EPHA5: variants seen among roughly 807,000 people sequenced by gnomAD.
The protein encoded by EPHA5 is EPH receptor A5.
EPHA5 carries 60 observed loss-of-function variants against 105.0 expected under a neutral mutation model. The observed-to-expected ratio is 0.57, with a 90% CI of 0.46 to 0.71. The LOEUF is 0.71. EPHA5 is among the 30% of genes least tolerant of loss of function. The pLI is 0.00. For missense variants in EPHA5, 1,218 were observed against 1,274.7 expected, an observed-to-expected ratio of 0.96 and a Z score of 0.68; for synonymous variants, 513 against 449.1, an observed-to-expected ratio of 1.14 and a Z score of -1.80.
chr4:65,631,290 A>G (rs1746610248), intron 2 of EPHA5, among the ~76,000 whole-genome samples: 1 of 152,204 alleles, frequency 6.6e-6, no homozygotes, highest in African/African-American at 2.4e-5. Context: ...AAAAACAATT[A>G]ATTGTTTTAG....
chr4:65,374,786 A>G lies in EPHA5; in HGVS notation c.1794-7362T>C, dbSNP rs1047815014. On this transcript the variant is annotated intron_variant, in intron 8 of 16. Coordinates refer to ENST00000613740, the MANE Select transcript of EPHA5 (RefSeq NM_001281766.3). The stretch of plus-strand genomic sequence containing the variant: ...AATGTCTACAAATTTCTGTTCTAAA[A>G]CTGTAAATGTGTCTCTTCACAAATG... 2.6e-5 allele frequency among the ~76,000 whole-genome samples: 4 copies of G among 151,880 alleles called. No homozygotes were observed. In the Admixed American group the frequency reaches 2.6e-4, roughly 10 times the overall value.
intron 8 of EPHA5, among the ~76,000 whole-genome samples, chr4:65,389,133 G>A (rs965502116): frequency 1.3e-5 from 2 of 151,972 alleles, no homozygotes; most frequent in Non-Finnish European, 2.9e-5. Flanking sequence ...CTCTAAATTG[G>A]TAATTCCTTA....
intron 3 of EPHA5, among the ~76,000 whole-genome samples, chr4:65,566,809 A>G (rs1001819489): frequency 2.6e-5 from 4 of 151,774 alleles, no homozygotes; most frequent in African/African-American, 7.2e-5. Context: ...TAACATCACT[A>G]AAGGTCATCC....
chr4:65,424,228 CAAT>C (rs1724207679), intron 5 of EPHA5, among the ~76,000 whole-genome samples: 1 of 151,920 alleles, frequency 6.6e-6, no homozygotes, highest in Non-Finnish European at 1.5e-5. Context: ...ACAATGATAT[CAAT>C]GATATACAAA....
rs187953363 is a variant in EPHA5, at chr4:65,416,658, T to C, written c.1528-2215A>G. 4.3e-3 allele frequency among the ~76,000 whole-genome samples: 651 copies of C among 152,304 alleles called. 6 individuals carry two copies. The highest frequency in any genetic ancestry group is 5.9e-3 in the Non-Finnish European group (402 of 68,018). ...CTCCTTGAAATAAGGTGTGATCTAA[T>C]ATCAATTGCAGAACATTCTGTCTGA... On this transcript the variant is annotated intron_variant, in intron 6 of 16. Coordinates refer to ENST00000613740, the MANE Select transcript of EPHA5 (RefSeq NM_001281766.3).
intron 8 of EPHA5, among the ~76,000 whole-genome samples, chr4:65,397,214 T>C (rs1721329327): frequency 6.6e-6 from 1 of 152,118 alleles, no homozygotes; most frequent in Non-Finnish European, 1.5e-5. Context: ...CTCTGATGGT[T>C]CAGAAGTCAA....
chr4:65,463,155 T>G (rs1272546680), intron 5 of EPHA5, among the ~76,000 whole-genome samples: 2 of 152,166 alleles, frequency 1.3e-5, no homozygotes, highest in Non-Finnish European at 2.9e-5. Flanking sequence ...CTCTACTACT[T>G]TGCCACTTAC....
At chr4:65,408,820 C>A (rs1179097081) in intron 7 of EPHA5, among the ~76,000 whole-genome samples, 2 of 151,656 alleles carry the variant, frequency 1.3e-5, no homozygotes, top group South Asian at 4.2e-4. Flanking sequence ...TACCATTTGA[C>A]CCAGCCATCC....
chr4:65,328,479 C>T (rs572870995), intron 16 of EPHA5, among the ~76,000 whole-genome samples: 36 of 151,262 alleles, frequency 2.4e-4, no homozygotes, highest in Admixed American at 2.0e-4. Context: ...CATTCTCTTC[C>T]TCATTCTTCT....
intron 3 of EPHA5, among the ~76,000 whole-genome samples, chr4:65,500,965 G>T (rs1328759170): frequency 6.6e-6 from 1 of 151,108 alleles, no homozygotes; most frequent in East Asian, 1.9e-4. Flanking sequence ...TATTGAGAAA[G>T]AAAATCACTA....
intron 3 of EPHA5, among the ~76,000 whole-genome samples, chr4:65,570,100 G>A (rs948276176): frequency 4.6e-5 from 7 of 151,710 alleles, no homozygotes; most frequent in Admixed American, 2.6e-4. Context: ...GGGCAACTTA[G>A]TAATTCCAAC....
At chr4:65,356,882 A>G (rs1723352372) in intron 11 of EPHA5, among the ~76,000 whole-genome samples, 1 of 151,492 alleles carries the variant, frequency 6.6e-6, no homozygotes, top group South Asian at 2.1e-4. Context: ...AACCCTTGTA[A>G]ATTCAATAAA....
chr4:65,537,857 C>T (rs1335381562), intron 3 of EPHA5, among the ~76,000 whole-genome samples: 2 of 151,652 alleles, frequency 1.3e-5, no homozygotes, highest in Non-Finnish European at 3.0e-5. Flanking sequence ...CAATAATACA[C>T]ATTTAGACAC....
chr4:65,637,568 G>GAATA (rs1371408940), intron 2 of EPHA5, among the ~76,000 whole-genome samples: 1 of 27,820 alleles, frequency 3.6e-5, no homozygotes. Flanking sequence ...TATGAGTTTT[G>GAATA]CATATATATA....
intron 2 of EPHA5, among the ~76,000 whole-genome samples, chr4:65,622,968 A>G (rs1745835828): frequency 6.6e-6 from 1 of 152,146 alleles, no homozygotes; most frequent in South Asian, 2.1e-4. Context: ...TATTAACATT[A>G]AAGTTTAAGA....
rs1483946326 is a variant in EPHA5, at chr4:65,555,795, G to C, written c.910+45846C>G. ...ATATATACCATATTCAGACTGTCAA[G>C]TAGGAGTACTAGGATAACATTCAGG... is the stretch of plus-strand genomic sequence containing the variant. On this transcript the variant is annotated intron_variant, in intron 3 of 16. Coordinates refer to ENST00000613740, the MANE Select transcript of EPHA5 (RefSeq NM_001281766.3). 2.1e-5 allele frequency among the ~76,000 whole-genome samples: 3 copies of C among 141,066 alleles called. No individual in the cohort carries two copies. The East Asian group carries it at 5.8e-4, about 27-fold the overall frequency. 92.5% of individuals were successfully genotyped at this position (141,066 alleles called of 152,430 possible). A position where few individuals can be genotyped will look rare whatever the true frequency, so the allele number is the denominator to read the frequency against.
At chr4:65,606,026 C>G (rs1744198205) in intron 2 of EPHA5, among the ~76,000 whole-genome samples, 1 of 152,184 alleles carries the variant, frequency 6.6e-6, no homozygotes, top group Non-Finnish European at 1.5e-5. Context: ...ACCTGGGCAT[C>G]TCCTTTGCCC....
intron 3 of EPHA5, among the ~76,000 whole-genome samples, chr4:65,597,780 A>G (rs1044739803): frequency 6.6e-6 from 1 of 152,184 alleles, no homozygotes; most frequent in African/African-American, 2.4e-5. Flanking sequence ...AAAGAAAGTT[A>G]AATGAGAGGA....
intron 1 of EPHA5, among the ~76,000 whole-genome samples, chr4:65,650,437 G>C (rs921802841): frequency 6.6e-6 from 1 of 151,274 alleles, no homozygotes; most frequent in Non-Finnish European, 1.5e-5. Flanking sequence ...GCGGGCGCCC[G>C]TAGTCCCAGC....
Sources: allele counts gnomAD v4.1 joint callset (sites outside exome capture counted in the v4.1 genomes callset), GRCh38; gene constraint gnomAD v4.1.1; transcripts MANE v1.5; gene names NCBI Gene and HGNC (gene_info 2026-07-23, HGNC 2026-07-21).